LRRC37A2: variants seen among roughly 807,000 people sequenced by gnomAD.
The protein encoded by LRRC37A2 is leucine-rich repeat-containing protein 37A2.
LRRC37A2 carries 9 observed loss-of-function variants against 68.8 expected under a neutral mutation model. The ratio of observed to expected loss-of-function variants is 0.13; its 90% CI spans 0.08 to 0.23. The LOEUF (loss-of-function observed/expected upper bound fraction) is 0.23, where lower values mean the gene tolerates loss of function less well. LRRC37A2 is among the 10% of genes least tolerant of loss of function. The pLI, the probability that LRRC37A2 is intolerant of heterozygous loss-of-function variation, is 1.00. For missense variants in LRRC37A2, 168 were observed against 950.4 expected (o/e 0.18, Z 10.82); for synonymous variants, 63 against 367.6 (o/e 0.17, Z 9.48).
chr17:46,995,414 A>T, the LRRC37A2 span, among the ~76,000 whole-genome samples: 1 of 152,338 alleles, frequency 6.6e-6, no homozygotes, highest in Admixed American at 6.5e-5. Context: ...GCTTATGAAT[A>T]TGTTAAAGGA....
chr17:47,033,221 C>CAAGAAAAAAAAA, the LRRC37A2 span: 1 of 269,744 alleles, frequency 3.7e-6, no homozygotes, highest in Non-Finnish European at 6.6e-6. Context: ...GACTTCATCT[C>CAAGAAAAAAAAA]AAAAAAAAAA....
the LRRC37A2 span, among the ~76,000 whole-genome samples, chr17:46,800,567 T>C: frequency 6.6e-6 from 1 of 152,300 alleles, no homozygotes; most frequent in East Asian, 1.9e-4. Flanking sequence ...TATCTGAGAA[T>C]ACAGGAAAAT....
exon 15 of LRRC37A2, chr17:46,555,634 AAC>A: frequency 1.6e-6 from 1 of 612,102 alleles, no homozygotes; most frequent in South Asian, 2.1e-5. Context: ...AATAAACAAC[AAC>A]AGTTACTAAA....
At chr17:46,862,107 G>C in the LRRC37A2 span, among the ~76,000 whole-genome samples, 1 of 149,322 alleles carries the variant, frequency 6.7e-6, no homozygotes, top group Non-Finnish European at 1.5e-5. Context: ...AGTTTGCAGT[G>C]AGCCGAGATT....
the LRRC37A2 span, among the ~76,000 whole-genome samples, chr17:46,912,199 C>A: frequency 1.3e-5 from 2 of 152,230 alleles, no homozygotes; most frequent in Non-Finnish European, 2.9e-5. Flanking sequence ...CAAAGAGCAG[C>A]GGGTGCAGAA....
At chr17:46,911,374 T>G in the LRRC37A2 span, 2 of 152,106 alleles carry the variant, frequency 1.3e-5, no homozygotes, top group African/African-American at 4.8e-5. Context: ...AGGGGTGAAG[T>G]ACATTGAGAG....
At chr17:46,757,582 AG>A in the LRRC37A2 span, 1 of 152,420 alleles carries the variant, frequency 6.6e-6, no homozygotes, top group Non-Finnish European at 1.5e-5. Context: ...GCATAACATG[AG>A]GGATGATTTT....
At chr17:46,971,920 G>A in the LRRC37A2 span, among the ~76,000 whole-genome samples, 1 of 152,248 alleles carries the variant, frequency 6.6e-6, no homozygotes, top group East Asian at 1.9e-4. Flanking sequence ...AGGAAGTAGA[G>A]AGAAAGGCAG....
At chr17:46,736,736 C>A in the LRRC37A2 span, among the ~76,000 whole-genome samples, 1 of 152,130 alleles carries the variant, frequency 6.6e-6, no homozygotes, top group Non-Finnish European at 1.5e-5. Context: ...ATGAGACTAC[C>A]TTTGTATCTA....
chr17:46,866,217 C>G, the LRRC37A2 span, among the ~76,000 whole-genome samples: 1 of 152,060 alleles, frequency 6.6e-6, no homozygotes, highest in African/African-American at 2.4e-5. Flanking sequence ...TGGTGTTGAG[C>G]AGCCACCCTC....
At chr17:46,489,719 C>T in the LRRC37A2 span, among the ~76,000 whole-genome samples, 15 of 149,068 alleles carry the variant, frequency 1.0e-4, no homozygotes, top group Non-Finnish European at 1.9e-4. Flanking sequence ...AACTCCTGAC[C>T]TCAGGCAATC....
At chr17:46,470,527 T>A in the LRRC37A2 span, among the ~76,000 whole-genome samples, 204 of 81,406 alleles carry the variant, frequency 2.5e-3, 4 homozygotes, top group African/African-American at 7.0e-3. Flanking sequence ...AAAACTTTAT[T>A]GGGAAGCTGG....
the LRRC37A2 span, among the ~76,000 whole-genome samples, chr17:47,046,153 C>T: frequency 2.5e-5 from 3 of 118,906 alleles, no homozygotes; most frequent in Non-Finnish European, 5.3e-5. Flanking sequence ...ATGGGGAAAC[C>T]CTGTCACTAC....
chr17:46,796,831 T>C, the LRRC37A2 span, among the ~76,000 whole-genome samples: 2 of 152,176 alleles, frequency 1.3e-5, no homozygotes, highest in Admixed American at 1.3e-4. Flanking sequence ...CCTGAGTGCA[T>C]TCATTCATTC....
the LRRC37A2 span, among the ~76,000 whole-genome samples, chr17:46,777,633 T>C: frequency 2.0e-5 from 3 of 152,238 alleles, no homozygotes; most frequent in African/African-American, 7.2e-5. Flanking sequence ...ATGACAACTA[T>C]TTATGTAGCA....
the LRRC37A2 span, among the ~76,000 whole-genome samples, chr17:46,822,763 C>T: frequency 6.6e-6 from 1 of 152,130 alleles, no homozygotes; most frequent in Non-Finnish European, 1.5e-5. Context: ...GGAGGGCGAG[C>T]GGGCCCAGGT....
the LRRC37A2 span, among the ~76,000 whole-genome samples, chr17:46,777,979 A>C: frequency 6.6e-6 from 1 of 152,184 alleles, no homozygotes; most frequent in Non-Finnish European, 1.5e-5. Context: ...ACCACTTCCT[A>C]GCTGCTGATC....
At chr17:46,501,170 CCATGCCCAG>C in the LRRC37A2 span, among the ~76,000 whole-genome samples, 1 of 151,160 alleles carries the variant, frequency 6.6e-6, no homozygotes, top group Non-Finnish European at 1.5e-5. Context: ...GTACAAGCCA[CCATGCCCAG>C]CTATATTGAC....
At chr17:46,486,089 A>G in the LRRC37A2 span, among the ~76,000 whole-genome samples, 1 of 77,666 alleles carries the variant, frequency 1.3e-5, no homozygotes, top group Admixed American at 1.3e-4. Context: ...CATCACTACC[A>G]TTCATCTCCA....
Sources: gnomAD v4.1 joint callset for allele counts (sites outside exome capture counted in the v4.1 genomes callset) on GRCh38, gnomAD v4.1.1 for gene constraint, MANE v1.5 for transcripts, NCBI Gene and HGNC (gene_info 2026-07-23, HGNC 2026-07-21) for gene names.